HERC1: variants seen among roughly 807,000 people sequenced by gnomAD.
The protein encoded by HERC1 is HECT and RLD domain containing E3 ubiquitin protein ligase family member 1, also known as probable E3 ubiquitin-protein ligase HERC1.
HERC1 carries 160 observed loss-of-function variants against 554.3 expected under a neutral mutation model. The observed-to-expected ratio is 0.29, with a 90% CI of 0.25 to 0.33. The LOEUF is 0.33. Ranked by LOEUF, HERC1 falls within the 10% of genes least tolerant of loss-of-function variation. The pLI is 1.00. For missense variants in HERC1, 4,919 were observed against 5,918.5 expected, an observed-to-expected ratio of 0.83 and a Z score of 5.54; for synonymous variants, 2,175 against 2,131.7, an observed-to-expected ratio of 1.02 and a Z score of -0.56.
intron 74 of HERC1, among the ~76,000 whole-genome samples, chr15:63,619,316 T>C (rs1418210023): frequency 6.6e-6 from 1 of 152,152 alleles, no homozygotes; most frequent in Admixed American, 6.5e-5. Context: ...TTTCGTATGT[T>C]GAACCAGCCT....
At chr15:63,658,754 TAAGAAAAA>T in intron 47 of HERC1, 36 bp from the exon 48 acceptor site, 1 of 1,549,518 alleles carries the variant, frequency 6.5e-7, no homozygotes. Context: ...CTCAACAAGG[TAAGAAAAA>T]AATACATCTG....
intron 12 of HERC1, among the ~76,000 whole-genome samples, chr15:63,736,494 A>AT (rs2074509701): frequency 1.3e-5 from 2 of 152,206 alleles, no homozygotes; most frequent in Non-Finnish European, 2.9e-5. Context: ...CAGACATGAA[A>AT]TATTACCTTC....
chr15:63,651,272 C>G lies in HERC1; in HGVS notation c.10527G>C (p.Val3509=). The G allele has an allele frequency of 6.2e-7, 1 of 1,613,824 alleles. No individual in the cohort carries two copies. The highest frequency in any genetic ancestry group is 1.1e-5 in the South Asian group (1 of 91,074). The change falls in exon 53 of 78, where the codon GTG becomes GTC. Residue 3509 remains valine, a synonymous_variant. Coordinates refer to ENST00000443617, the MANE Select transcript of HERC1 (RefSeq NM_003922.4). ...TCTTACCATTAACTTGCCAGATATTCACCATCTTTTCCAAAGCGCCTGCTA... is the reference window on the plus strand; with the variant it reads ...TCTTACCATTAACTTGCCAGATATTGACCATCTTTTCCAAAGCGCCTGCTA... The part of the protein sequence containing the change: ...KYLAGALEKM[V]NIWQVNGGKG...
intron 1 of HERC1, among the ~76,000 whole-genome samples, chr15:63,822,454 C>T (rs1019131121): frequency 2.0e-5 from 3 of 151,820 alleles, no homozygotes; most frequent in Admixed American, 6.6e-5. Context: ...GGCGTGGTGG[C>T]GTGTGCCTGT....
At chr15:63,773,359 G>A (rs1270724996) in intron 2 of HERC1, among the ~76,000 whole-genome samples, 3 of 148,328 alleles carry the variant, frequency 2.0e-5, no homozygotes, top group Non-Finnish European at 4.5e-5. Flanking sequence ...CAGGAGAATC[G>A]CTTGAACCCA....
At chr15:63,747,132 T>A (rs376484883) in intron 11 of HERC1, 49 bp from the exon 12 acceptor site, 15 of 1,529,100 alleles carry the variant, frequency 9.8e-6, no homozygotes, top group Non-Finnish European at 1.2e-5. Flanking sequence ...AAAGTGCCTG[T>A]GCTATCCAGT....
chr15:63,744,164 G>GTGTCTCTCTCTCTC, intron 12 of HERC1, among the ~76,000 whole-genome samples: 1 of 46,222 alleles, frequency 2.2e-5, no homozygotes, highest in Admixed American at 2.4e-4. Flanking sequence ...GTGTGTGTGT[G>GTGTCTCTCTCTCTC]TCTCTCTCTC....
chr15:63,724,427 G>A (rs1048216967), intron 18 of HERC1, among the ~76,000 whole-genome samples: 1 of 152,148 alleles, frequency 6.6e-6, no homozygotes, highest in African/African-American at 2.4e-5. Flanking sequence ...TTTGGAAATG[G>A]AGGAAAATCC....
At chr15:63,800,374 G>A (rs966286788) in intron 1 of HERC1, among the ~76,000 whole-genome samples, 4 of 152,162 alleles carry the variant, frequency 2.6e-5, no homozygotes, top group African/African-American at 9.7e-5. Context: ...CTTAACTCCT[G>A]GAAGGCACTA....
At chr15:63,762,249 T>C (rs2075635698) in intron 3 of HERC1, among the ~76,000 whole-genome samples, 1 of 152,168 alleles carries the variant, frequency 6.6e-6, no homozygotes, top group South Asian at 2.1e-4. Flanking sequence ...TGAAACAACA[T>C]GACCTTCACT....
At chr15:63,629,273 TTTTC>T (rs1473003020) in intron 69 of HERC1, among the ~76,000 whole-genome samples, 1 of 152,146 alleles carries the variant, frequency 6.6e-6, no homozygotes, top group East Asian at 1.9e-4. Flanking sequence ...TACATTCTGA[TTTTC>T]TTTATCATAA....
intron 1 of HERC1, among the ~76,000 whole-genome samples, chr15:63,786,374 T>C (rs1189179817): frequency 1.3e-5 from 2 of 151,990 alleles, no homozygotes; most frequent in Non-Finnish European, 2.9e-5. Flanking sequence ...CAGAGTTTCC[T>C]TATGGCCCAA....
chr15:63,754,137 G>T (rs1301567108), intron 7 of HERC1, among the ~76,000 whole-genome samples: 3 of 151,268 alleles, frequency 2.0e-5, no homozygotes, highest in Non-Finnish European at 4.4e-5. Flanking sequence ...TTGCATCACT[G>T]CACTCTAGCC....
rs142218127 is a variant in HERC1, at chr15:63,652,511, CT to C, written c.10320del (p.Gly3441ValfsTer61). On this transcript the variant is annotated frameshift_variant, in exon 52 of 78. Coordinates refer to ENST00000443617, the MANE Select transcript of HERC1 (RefSeq NM_003922.4). LOFTEE classifies it high-confidence loss of function. ...RVMTCVWCNK[K>X]GLLATSGNDG... The stretch of plus-strand genomic sequence containing the variant: ...TCATTGCCACTTGTAGCCAAAAGAC[CT>C]TTTTTATTACACCAAACACATGTCA... The C allele has an allele frequency of 1.2e-6, 2 of 1,602,434 alleles. No individual in the cohort carries two copies. Among genetic ancestry groups the C allele is most frequent in the Admixed American group, 3.4e-5 (2 of 58,338 alleles).
At chr15:63,829,473 TA>T (rs1283068943) in intron 1 of HERC1, among the ~76,000 whole-genome samples, 3,136 of 29,524 alleles carry the variant, frequency 0.11, 162 homozygotes, top group African/African-American at 0.24. Flanking sequence ...CATATATGTT[TA>T]TATAAATATA....
intron 45 of HERC1, 58 bp downstream of exon 45, chr15:63,661,695 A>G: frequency 1.9e-6 from 3 of 1,551,506 alleles, no homozygotes. Flanking sequence ...ACAGTTCCCA[A>G]GACTTAAGGT....
At chr15:63,626,195 T>C (rs758815284) in intron 70 of HERC1, 41 bp from the exon 71 acceptor site, 3 of 1,589,354 alleles carry the variant, frequency 1.9e-6, no homozygotes, top group Non-Finnish European at 2.6e-6. Context: ...GGAAACAGCA[T>C]TGCTTTCACT....
intron 12 of HERC1, among the ~76,000 whole-genome samples, chr15:63,745,110 C>T (rs1181400303): frequency 6.6e-6 from 1 of 152,146 alleles, no homozygotes. Flanking sequence ...CCTGCTGTGA[C>T]CAAGATGTTA....
intron 19 of HERC1, among the ~76,000 whole-genome samples, chr15:63,720,412 T>C (rs1201783642): frequency 2.0e-5 from 3 of 152,086 alleles, no homozygotes; most frequent in Non-Finnish European, 2.9e-5. Flanking sequence ...ATTTGACAGA[T>C]TTGCTAAATA....
Sources: gnomAD v4.1 joint callset for allele counts (sites outside exome capture counted in the v4.1 genomes callset) on GRCh38, gnomAD v4.1.1 for gene constraint, MANE v1.5 for transcripts, NCBI Gene and HGNC (gene_info 2026-07-23, HGNC 2026-07-21) for gene names.